Variants in THRB observed in about 807,000 individuals in gnomAD.
THRB encodes nuclear receptor subfamily 1 group A member 2.
Under a neutral mutation model 47.8 loss-of-function variants are expected in THRB, and 12 were observed. The ratio of observed to expected loss-of-function variants is 0.25; its 90% CI spans 0.16 to 0.41. THRB has a LOEUF of 0.41. Among genes scored for constraint, THRB ranks in the 10% least tolerant of loss-of-function variants. The pLI, the probability that THRB is intolerant of heterozygous loss-of-function variation, is 1.00. For missense variants in THRB, 348 were observed against 589.2 expected (o/e 0.59, Z 4.24); for synonymous variants, 218 against 212.2 (o/e 1.03, Z -0.24).
intron 8 of THRB, among the ~76,000 whole-genome samples, chr3:24,136,167 G>A (rs1034200897): frequency 1.3e-5 from 2 of 152,088 alleles, no homozygotes; most frequent in Admixed American, 1.3e-4. Context: ...GCAATTTTAA[G>A]TAAAACTAAA....
chr3:24,494,587 G>C (rs1427625057), intron 1 of THRB, 65 bp downstream of exon 1: 1 of 149,754 alleles, frequency 6.7e-6, no homozygotes, highest in Non-Finnish European at 1.5e-5. Context: ...GGGTTCTTGC[G>C]ACGCTCCGTC....
chr3:24,269,289 ACACAC>A (rs2052998393), intron 3 of THRB, among the ~76,000 whole-genome samples: 2 of 91,124 alleles, frequency 2.2e-5, no homozygotes, highest in Non-Finnish European at 4.7e-5. Flanking sequence ...ACACACACAC[ACACAC>A]ACACACACAC....
intron 3 of THRB, among the ~76,000 whole-genome samples, chr3:24,233,560 G>GAAGGAAGAAAGAAAGAAAGAAAGA (rs1553658178): frequency 7.8e-5 from 6 of 77,302 alleles, no homozygotes; most frequent in African/African-American, 1.4e-4. Context: ...AAAGAAAAAG[G>GAAGGAAGAAAGAAAGAAAGAAAGA]AAGAAAGAAA....
At position 24,212,689 on chromosome 3, in the gene THRB, G is replaced by A. The variant is rs150643153; in HGVS notation, c.22+16249C>T. Among the ~76,000 whole-genome samples, 7 of 151,378 alleles carry A rather than the reference G, an allele frequency of 4.6e-5. No homozygotes were observed. In the East Asian group the frequency reaches 5.8e-4, roughly 13 times the overall value. On this transcript the variant is annotated intron_variant, in intron 4 of 10. Transcript: ENST00000646209. ...AGGCAAAACCAAGCCTTGATCCCCC[G>A]CTATTATGCTGACACAGAACACAAC...
intron 1 of THRB, among the ~76,000 whole-genome samples, chr3:24,351,702 G>C (rs565956354): frequency 1.3e-5 from 2 of 152,250 alleles, no homozygotes; most frequent in African/African-American, 4.8e-5. Context: ...AGCAGAGACA[G>C]GAGAGAAAAG....
At chr3:24,124,424 A>G (rs2032324060) in intron 10 of THRB, among the ~76,000 whole-genome samples, 1 of 152,172 alleles carries the variant, frequency 6.6e-6, no homozygotes, top group South Asian at 2.1e-4. Context: ...TTTTGACCCA[A>G]ATAGAAGATC....
chr3:24,148,941 C>G (rs1459623250), intron 6 of THRB, among the ~76,000 whole-genome samples: 1 of 152,204 alleles, frequency 6.6e-6, no homozygotes, highest in East Asian at 1.9e-4. Context: ...TTCCTAAGCA[C>G]TTGAGTCCAT....
chr3:24,438,414 C>T (rs1375804921), intron 1 of THRB, among the ~76,000 whole-genome samples: 1 of 152,026 alleles, frequency 6.6e-6, no homozygotes, highest in Non-Finnish European at 1.5e-5. Flanking sequence ...CCTGAAAAGC[C>T]CCTAGAACAC....
intron 1 of THRB, among the ~76,000 whole-genome samples, chr3:24,365,630 G>A (rs1238529700): frequency 2.0e-5 from 3 of 152,244 alleles, no homozygotes; most frequent in Non-Finnish European, 4.4e-5. Context: ...TTGCCATATG[G>A]ATAATCTTTA....
chr3:24,165,133 G>A lies in THRB; in HGVS notation c.284-12643C>T, dbSNP rs370653018. On this transcript the variant is annotated intron_variant, in intron 5 of 10. Coordinates refer to ENST00000646209, the MANE Select transcript of THRB (RefSeq NM_001354712.2). ...GATTCAGGGCCATGTCCAAGTCAGAGTCCTTGCTTTTAAACATGTTTCCAG... is the reference window on the plus strand; with the variant it reads ...GATTCAGGGCCATGTCCAAGTCAGAATCCTTGCTTTTAAACATGTTTCCAG... 5.9e-5 allele frequency: 45 copies of A among 765,098 alleles called. No homozygotes were observed. The African/African-American group carries it at 7.1e-4, about 12-fold the overall frequency. 47.4% of individuals were successfully genotyped at this position (765,098 alleles called of 1,614,324 possible).
intron 3 of THRB, among the ~76,000 whole-genome samples, chr3:24,236,844 C>T (rs374784809): frequency 2.0e-5 from 3 of 152,124 alleles, no homozygotes; most frequent in Non-Finnish European, 2.9e-5. Context: ...GAGCCCTTTG[C>T]ATTTTAATAT....
chr3:24,212,312 C>T (rs904450262), intron 4 of THRB, among the ~76,000 whole-genome samples: 12 of 152,170 alleles, frequency 7.9e-5, no homozygotes, highest in South Asian at 6.2e-4. Context: ...GCAGAAGAAT[C>T]GCTTGAACCT....
intron 1 of THRB, among the ~76,000 whole-genome samples, chr3:24,432,436 A>C (rs1320433208): frequency 6.6e-6 from 1 of 152,178 alleles, no homozygotes; most frequent in African/African-American, 2.4e-5. Context: ...ACAGAGGTAC[A>C]TACACCTTCT....
At chr3:24,183,359 T>TTTTC (rs1345094290) in intron 5 of THRB, among the ~76,000 whole-genome samples, 1 of 79,062 alleles carries the variant, frequency 1.3e-5, no homozygotes, top group Non-Finnish European at 2.7e-5. Context: ...TCTTTTTCTT[T>TTTTC]TTTCTTTTCT....
intron 3 of THRB, among the ~76,000 whole-genome samples, chr3:24,289,564 C>T (rs780105334): frequency 1.8e-4 from 27 of 151,994 alleles, no homozygotes; most frequent in Non-Finnish European, 3.5e-4. Context: ...GAGGGAGGGA[C>T]CAAGAACTAA....
intron 3 of THRB, among the ~76,000 whole-genome samples, chr3:24,245,895 A>G (rs561287447): frequency 5.9e-5 from 9 of 152,004 alleles, no homozygotes; most frequent in Admixed American, 2.0e-4. Flanking sequence ...CCTGGGCAAC[A>G]GAGCGAGACT....
At position 24,119,847 on chromosome 3, in the gene THRB, T is replaced by C. The variant is rs1215849712; in HGVS notation, c.*3037A>G. 6.6e-6 allele frequency: 1 copy of C among 152,296 alleles called. No individual in the cohort carries two copies. The highest frequency in any genetic ancestry group is 1.9e-4 in the East Asian group (1 of 5,196). The allele number at this position is 152,296 out of a possible 1,614,324, so 9.4% of individuals were successfully genotyped here. ...TACTGCACGTCTAAATTGAGCAAAG[T>C]ACACTTGAGGGTCACACACGCACGC... On this transcript the variant is annotated 3_prime_UTR_variant, in exon 11 of 11. Coordinates refer to ENST00000646209, the MANE Select transcript of THRB (RefSeq NM_001354712.2).
At chr3:24,233,616 A>AAAGG (rs2048556194) in intron 3 of THRB, among the ~76,000 whole-genome samples, 1 of 149,886 alleles carries the variant, frequency 6.7e-6, no homozygotes, top group Admixed American at 6.6e-5. Flanking sequence ...AGAAAGAAAG[A>AAAGG]GAAAGAGCCT....
chr3:24,445,762 T>C (rs966591494), intron 1 of THRB, among the ~76,000 whole-genome samples: 2 of 151,982 alleles, frequency 1.3e-5, no homozygotes, highest in African/African-American at 2.4e-5. Flanking sequence ...AACTGTCCAA[T>C]AGAAACAATT....
Sources: gnomAD v4.1 joint callset for allele counts (sites outside exome capture counted in the v4.1 genomes callset) on GRCh38, gnomAD v4.1.1 for gene constraint, MANE v1.5 for transcripts, NCBI Gene and HGNC (gene_info 2026-07-23, HGNC 2026-07-21) for gene names.